Variants in EFCAB6 observed in about 807,000 individuals in gnomAD.
EFCAB6 encodes the protein EF-hand calcium binding domain 6.
Under a neutral mutation model 169.8 loss-of-function variants are expected in EFCAB6, and 156 were observed. That is an observed-to-expected ratio of 0.92 (90% CI 0.81 to 1.05). The LOEUF is 1.05. Among genes scored for constraint, EFCAB6 ranks in the 50% least tolerant of loss-of-function variants. EFCAB6 has a pLI of 0.00. For synonymous variants in EFCAB6, 698 were observed against 676.4 expected (o/e 1.03, Z -0.50); for missense variants, 1,800 against 1,829.1 (o/e 0.98, Z 0.29).
chr22:43,637,805 G>A (rs373946984), intron 17 of EFCAB6, among the ~76,000 whole-genome samples: 3 of 152,192 alleles, frequency 2.0e-5, no homozygotes, highest in African/African-American at 4.8e-5. Context: ...CGTGGCCCCC[G>A]CAGAAGCACA....
chr22:43,791,928 G>A (rs972526401), intron 2 of EFCAB6, among the ~76,000 whole-genome samples: 6 of 152,200 alleles, frequency 3.9e-5, no homozygotes, highest in Admixed American at 3.3e-4. Context: ...AAAGAGAAAC[G>A]CAGCAGGAGA....
intron 26 of EFCAB6, among the ~76,000 whole-genome samples, chr22:43,559,109 C>T (rs2048877391): frequency 6.6e-6 from 1 of 152,176 alleles, no homozygotes; most frequent in Non-Finnish European, 1.5e-5. Context: ...TTTTTGCAAT[C>T]TACCCATCGG....
At chr22:43,698,375 C>T (rs1352697741) in intron 10 of EFCAB6, among the ~76,000 whole-genome samples, 6 of 152,154 alleles carry the variant, frequency 3.9e-5, no homozygotes, top group African/African-American at 1.2e-4. Flanking sequence ...AGATTCAAAT[C>T]GGGCTTCCTT....
Position 43,622,585 on chromosome 22 carries a change from AAAAC to A in EFCAB6, c.2465+3858_2465+3861del, listed in dbSNP as rs572353888. 4.2e-4 allele frequency among the ~76,000 whole-genome samples: 64 copies of A among 152,354 alleles called. 1 individual carries two copies. In the Middle Eastern group the frequency reaches 0.02, roughly 49 times the overall value. ...CCATCTCAAAACAAACAAGCAAACA[AAAAC>A]AAACAAACTCATTCTATTTTGCAAT... is the stretch of plus-strand genomic sequence containing the variant. On this transcript the variant is annotated intron_variant, in intron 20 of 31. Transcript: ENST00000262726.
intron 17 of EFCAB6, among the ~76,000 whole-genome samples, chr22:43,640,703 C>T (rs2055738781): frequency 6.6e-6 from 1 of 152,202 alleles, no homozygotes; most frequent in East Asian, 1.9e-4. Context: ...CAGGAGTTGA[C>T]ACCCTCCTGA....
At chr22:43,689,094 G>T (rs2058306665) in intron 10 of EFCAB6, among the ~76,000 whole-genome samples, 1 of 152,138 alleles carries the variant, frequency 6.6e-6, no homozygotes, top group African/African-American at 2.4e-5. Flanking sequence ...CACTCAGGGA[G>T]CTTGATTCCT....
At chr22:43,592,641 G>A (rs755098879) in intron 23 of EFCAB6, among the ~76,000 whole-genome samples, 8 of 152,114 alleles carry the variant, frequency 5.3e-5, no homozygotes, top group East Asian at 1.9e-4. Flanking sequence ...ACAAAGCTGC[G>A]CTGGGTCTAT....
rs1402885606 is a variant in EFCAB6 at position 43,600,257 on chromosome 22, G to A, written c.2688C>T (p.Asp896=). The A allele has an allele frequency of 4.3e-6, 7 of 1,613,602 alleles. No homozygotes were observed. In the Admixed American group the frequency reaches 1.0e-4, roughly 23 times the overall value. Reference sequence around the variant, plus strand: ...AAGTAATGTGCCCTTTTCCCTCGGTGTCGTATCTTAAAACAAAAACAAAAA... The same window carrying A: ...AAGTAATGTGCCCTTTTCCCTCGGTATCGTATCTTAAAACAAAAACAAAAA... ...REFEKLWARY[D]TEGKGHITYQ... The change falls in exon 23 of 32, where the codon GAC becomes GAT. Residue 896 remains aspartate, a synonymous_variant. Coordinates refer to ENST00000262726, the MANE Select transcript of EFCAB6 (RefSeq NM_022785.4).
At chr22:43,561,923 G>A (rs1385322789) in intron 26 of EFCAB6, among the ~76,000 whole-genome samples, 1 of 152,202 alleles carries the variant, frequency 6.6e-6, no homozygotes, top group Non-Finnish European at 1.5e-5. Context: ...AATCACAGCT[G>A]CAACAGGAAG....
intron 24 of EFCAB6, among the ~76,000 whole-genome samples, chr22:43,589,138 C>T (rs76344536): frequency 0.063 from 9,573 of 151,618 alleles, 367 homozygotes; most frequent in Admixed American, 0.097. Flanking sequence ...GGACATTGGC[C>T]GGGTGTGGTG....
intron 22 of EFCAB6, among the ~76,000 whole-genome samples, chr22:43,605,488 C>A (rs895022682): frequency 4.6e-5 from 7 of 152,066 alleles, no homozygotes; most frequent in African/African-American, 1.7e-4. Flanking sequence ...ACTAAAAATA[C>A]AAAAATTAGC....
chr22:43,737,961 C>A (rs1029577667), intron 6 of EFCAB6, among the ~76,000 whole-genome samples: 1 of 151,618 alleles, frequency 6.6e-6, no homozygotes, highest in African/African-American at 2.4e-5. Context: ...CATACCCACA[C>A]CATCACTCAC....
At chr22:43,661,218 A>T (rs1328367934) in intron 17 of EFCAB6, among the ~76,000 whole-genome samples, 2 of 152,048 alleles carry the variant, frequency 1.3e-5, no homozygotes, top group East Asian at 1.9e-4. Flanking sequence ...CTACAAAAAA[A>T]TTTTTAAAAA....
intron 2 of EFCAB6, among the ~76,000 whole-genome samples, chr22:43,808,560 C>G (rs2062998312): frequency 6.6e-6 from 1 of 151,762 alleles, no homozygotes; most frequent in Non-Finnish European, 1.5e-5. Flanking sequence ...TCGTGAAGTG[C>G]CTGGCACACA....
At chr22:43,755,646 C>T (rs2060930824) in intron 6 of EFCAB6, 120 bp downstream of exon 6, 3 of 897,398 alleles carry the variant, frequency 3.3e-6, no homozygotes, top group African/African-American at 1.7e-5. Flanking sequence ...AGTCAGACAA[C>T]TATGACATGA....
At chr22:43,787,398 A>C (rs2062121085) in intron 2 of EFCAB6, among the ~76,000 whole-genome samples, 1 of 151,874 alleles carries the variant, frequency 6.6e-6, no homozygotes, top group African/African-American at 2.4e-5. Flanking sequence ...AGAACTAATA[A>C]ACAAGTTCAA....
intron 29 of EFCAB6, 86 bp from the exon 30 acceptor site, chr22:43,534,958 C>CT (rs1471888686): frequency 7.2e-7 from 1 of 1,389,304 alleles, no homozygotes; most frequent in East Asian, 2.3e-5. Flanking sequence ...GCTGAGACAC[C>CT]TTCTCTGCTT....
At chr22:43,632,294 CTTTTTTT>C (rs200314912) in intron 18 of EFCAB6, 56 bp from the exon 19 acceptor site, 56 of 1,131,038 alleles carry the variant, frequency 5.0e-5, no homozygotes, top group East Asian at 2.4e-4. Flanking sequence ...TTCATTCCTT[CTTTTTTT>C]TTTTTTTTTT....
chr22:43,657,444 G>A, intron 17 of EFCAB6, among the ~76,000 whole-genome samples: 1 of 148,418 alleles, frequency 6.7e-6, no homozygotes. Flanking sequence ...AAAAACACTA[G>A]AAAATCCCAA....
Sources: allele counts gnomAD v4.1 joint callset (sites outside exome capture counted in the v4.1 genomes callset), GRCh38; gene constraint gnomAD v4.1.1; transcripts MANE v1.5; gene names NCBI Gene and HGNC (gene_info 2026-07-23, HGNC 2026-07-21).